The following XKR4 variants were observed in gnomAD, a reference collection of about 807,000 sequenced individuals.
XKR4 encodes the protein XK related 4.
Under a neutral mutation model 53.9 loss-of-function variants are expected in XKR4, and 12 were observed. That is an observed-to-expected ratio of 0.22 (90% confidence interval 0.14 to 0.36). The LOEUF is 0.36. Among genes scored for constraint, XKR4 ranks in the 10% least tolerant of loss-of-function variants. XKR4 has a pLI of 1.00. For missense variants in XKR4, 799 were observed against 859.5 expected (o/e 0.93, Z 0.88); for synonymous variants, 354 against 362.4 (o/e 0.98, Z 0.26).
At chr8:55,108,058 G>T (rs142674222) in intron 1 of XKR4, among the ~76,000 whole-genome samples, 1 of 152,136 alleles carries the variant, frequency 6.6e-6, no homozygotes, top group African/African-American at 2.4e-5. Flanking sequence ...AACAGGAAAC[G>T]CAAACTGCCT....
chr8:55,465,620 G>T (rs1335064934), intron 2 of XKR4, among the ~76,000 whole-genome samples: 160 of 151,706 alleles, frequency 1.1e-3, no homozygotes, highest in African/African-American at 3.7e-3. Context: ...GGCAACAAAA[G>T]CCAAAATTGA....
At chr8:55,210,864 G>A (rs1020783318) in intron 1 of XKR4, among the ~76,000 whole-genome samples, 1 of 152,170 alleles carries the variant, frequency 6.6e-6, no homozygotes, top group African/African-American at 2.4e-5. Flanking sequence ...GTGCATTTCT[G>A]GTAGTTCCAC....
chr8:55,537,032 A>G lies in XKR4; in HGVS notation c.*12805A>G, dbSNP rs530503402. The G allele has an allele frequency of 1.8e-4, 28 of 152,358 alleles. No homozygotes were observed. Among genetic ancestry groups the G allele is most frequent in the Admixed American group, 9.1e-4 (14 of 15,304 alleles). The allele number at this position is 152,358 out of a possible 1,614,324, so 9.4% of individuals were successfully genotyped here. ...TTTTTTAAGCCTAAAAACCATTCAA[A>G]TTGCTTGACAAAATTATTTCATGGT... On this transcript the variant is annotated 3_prime_UTR_variant, in exon 3 of 3. Coordinates refer to ENST00000327381, the MANE Select transcript of XKR4 (RefSeq NM_052898.2).
intron 2 of XKR4, among the ~76,000 whole-genome samples, chr8:55,446,455 C>A (rs1805347795): frequency 6.6e-6 from 1 of 152,112 alleles, no homozygotes; most frequent in Non-Finnish European, 1.5e-5. Context: ...GATTCTCCAG[C>A]CTCAGCCTCC....
intron 2 of XKR4, among the ~76,000 whole-genome samples, chr8:55,491,108 T>C (rs1806266062): frequency 6.6e-6 from 1 of 152,210 alleles, no homozygotes; most frequent in Non-Finnish European, 1.5e-5. Flanking sequence ...AGGTCTAATA[T>C]TCTGTTCTTC....
rs1229450882 is a variant in XKR4, at chr8:55,539,233, CAAAGCAGAT to C, written c.*15009_*15017del. On this transcript the variant is annotated 3_prime_UTR_variant, in exon 3 of 3. Transcript: ENST00000327381. ...GAATACATTCATAAAACTAGACTAG[CAAAGCAGAT>C]AATGTTTTCATGATATGGCTTCATG... is the stretch of plus-strand genomic sequence containing the variant. 1 of 152,098 alleles carries C rather than the reference CAAAGCAGAT, an allele frequency of 6.6e-6. No homozygotes were observed. Among genetic ancestry groups the C allele is most frequent in the African/African-American group, 2.4e-5 (1 of 41,398 alleles). The allele number at this position is 152,098 out of a possible 1,614,324, so 9.4% of individuals were successfully genotyped here. A position where few individuals can be genotyped will look rare whatever the true frequency, so the allele number is the denominator to read the frequency against.
At chr8:55,425,073 C>G (rs1804992937) in intron 2 of XKR4, among the ~76,000 whole-genome samples, 2 of 152,194 alleles carry the variant, frequency 1.3e-5, no homozygotes, top group African/African-American at 4.8e-5. Context: ...AATGAGCACA[C>G]TCAGTTTGCC....
chr8:55,285,664 A>G (rs1818898824), intron 1 of XKR4, among the ~76,000 whole-genome samples: 1 of 152,174 alleles, frequency 6.6e-6, no homozygotes, highest in East Asian at 1.9e-4. Context: ...GTACTTCCAT[A>G]CTGTACACAT....
intron 1 of XKR4, among the ~76,000 whole-genome samples, chr8:55,351,009 G>C (rs2129383588): frequency 6.6e-6 from 1 of 152,154 alleles, no homozygotes; most frequent in East Asian, 1.9e-4. Context: ...CCAAAGTGCT[G>C]GGATTACAGG....
chr8:55,275,242 G>A (rs1365927573), intron 1 of XKR4, among the ~76,000 whole-genome samples: 1 of 152,136 alleles, frequency 6.6e-6, no homozygotes, highest in East Asian at 1.9e-4. Context: ...TTTAAAGCAT[G>A]TGATTAAAAT....
At chr8:55,218,747 A>G (rs1019407787) in intron 1 of XKR4, among the ~76,000 whole-genome samples, 1 of 152,214 alleles carries the variant, frequency 6.6e-6, no homozygotes, top group Admixed American at 6.5e-5. Flanking sequence ...CTTTGAAGTA[A>G]GTATAAATTT....
At chr8:55,233,168 C>T (rs1476561162) in intron 1 of XKR4, among the ~76,000 whole-genome samples, 1 of 152,166 alleles carries the variant, frequency 6.6e-6, no homozygotes, top group Non-Finnish European at 1.5e-5. Context: ...ACAGAGCTGC[C>T]TCACAGAAAT....
At chr8:55,145,251 T>C (rs1371122380) in intron 1 of XKR4, among the ~76,000 whole-genome samples, 2 of 152,192 alleles carry the variant, frequency 1.3e-5, no homozygotes, top group Non-Finnish European at 2.9e-5. Flanking sequence ...AACATTTTAA[T>C]CCACTCACAC....
chr8:55,490,367 G>A (rs1181569328), intron 2 of XKR4, among the ~76,000 whole-genome samples: 3 of 152,158 alleles, frequency 2.0e-5, no homozygotes, highest in Middle Eastern at 3.2e-3. Context: ...TTACTTAAAA[G>A]TAGGAGTTAA....
chr8:55,498,546 G>A lies in XKR4; in HGVS notation c.1007-24735G>A, dbSNP rs183590924. Among the ~76,000 whole-genome samples, 668 of 152,320 alleles carry A rather than the reference G, an allele frequency of 4.4e-3. 8 individuals are homozygous for A. The highest frequency in any genetic ancestry group is 0.015 in the African/African-American group (617 of 41,570). ...TGTAATCCCAGCACTTTGGGAGGCC[G>A]AGGTGGGAGGATCACTTGAGGTCAG... is the stretch of plus-strand genomic sequence containing the variant. On this transcript the variant is annotated intron_variant, in intron 2 of 2. Coordinates refer to ENST00000327381, the MANE Select transcript of XKR4 (RefSeq NM_052898.2).
intron 1 of XKR4, among the ~76,000 whole-genome samples, chr8:55,337,771 T>C (rs1364773213): frequency 6.6e-6 from 1 of 152,250 alleles, no homozygotes; most frequent in African/African-American, 2.4e-5. Flanking sequence ...TAAAGGCTTT[T>C]TAAAGGAATA....
chr8:55,366,430 T>G (rs1032203424), intron 2 of XKR4, among the ~76,000 whole-genome samples: 3 of 152,180 alleles, frequency 2.0e-5, no homozygotes, highest in African/African-American at 4.8e-5. Context: ...TCATGGAGGT[T>G]GTGTCATGAA....
intron 2 of XKR4, among the ~76,000 whole-genome samples, chr8:55,522,801 A>AAAGT (rs894709712): frequency 6.6e-6 from 1 of 152,172 alleles, no homozygotes; most frequent in African/African-American, 2.4e-5. Flanking sequence ...CCAAATACAG[A>AAAGT]AAGTTAAACT....
At chr8:55,319,465 G>A (rs1803173349) in intron 1 of XKR4, among the ~76,000 whole-genome samples, 1 of 152,162 alleles carries the variant, frequency 6.6e-6, no homozygotes, top group Non-Finnish European at 1.5e-5. Flanking sequence ...TTGCAGTGAA[G>A]TCATTTGCGA....
Sources: gnomAD v4.1 joint callset for allele counts (sites outside exome capture counted in the v4.1 genomes callset) on GRCh38, gnomAD v4.1.1 for gene constraint, MANE v1.5 for transcripts, NCBI Gene and HGNC (gene_info 2026-07-23, HGNC 2026-07-21) for gene names.